Variants in KCNMA1 observed in about 807,000 individuals in gnomAD.
KCNMA1 encodes Calcium-activated potassium channel subunit alpha-1.
A neutral mutation model predicts 140.0 loss-of-function variants in KCNMA1; 29 were observed. The observed-to-expected ratio is 0.21, with a 90% CI of 0.15 to 0.28. The LOEUF (loss-of-function observed/expected upper bound fraction) is 0.28, where lower values mean the gene tolerates loss of function less well. Ranked by LOEUF, KCNMA1 falls within the 10% of genes least tolerant of loss-of-function variation. KCNMA1 has a pLI of 1.00. For missense variants in KCNMA1, 880 were observed against 1,602.2 expected (o/e 0.55, Z 7.70); for synonymous variants, 612 against 611.9 (o/e 1.00, Z 0.00).
chr10:77,199,540 G>A (rs73293967), intron 3 of KCNMA1, among the ~76,000 whole-genome samples: 136 of 152,294 alleles, frequency 8.9e-4, no homozygotes, highest in African/African-American at 2.9e-3. Flanking sequence ...GTTAGTAAAC[G>A]TGAACTGCTT....
intron 16 of KCNMA1, among the ~76,000 whole-genome samples, chr10:77,027,378 C>A (rs2153524437): frequency 6.6e-6 from 1 of 152,296 alleles, no homozygotes; most frequent in Non-Finnish European, 1.5e-5. Context: ...ATATGGTACA[C>A]AATAGGCTGC....
intron 5 of KCNMA1, among the ~76,000 whole-genome samples, chr10:77,122,354 T>C (rs139602380): frequency 6.6e-6 from 1 of 152,332 alleles, no homozygotes; most frequent in African/African-American, 2.4e-5. Context: ...TCTCCTTCTA[T>C]GCTAAATAAT....
intron 5 of KCNMA1, among the ~76,000 whole-genome samples, chr10:77,141,072 C>T (rs1246485416): frequency 6.6e-6 from 1 of 152,122 alleles, no homozygotes; most frequent in Admixed American, 6.5e-5. Flanking sequence ...TCCTACTCCT[C>T]CTGTCGTGGC....
intron 19 of KCNMA1, among the ~76,000 whole-genome samples, chr10:76,981,364 C>T (rs1269186443): frequency 2.6e-5 from 4 of 152,034 alleles, no homozygotes; most frequent in East Asian, 3.9e-4. Flanking sequence ...AGCCAGAAAA[C>T]GTTTAAACGG....
chr10:77,430,742 T>C (rs2097135888), intron 1 of KCNMA1, among the ~76,000 whole-genome samples: 1 of 152,212 alleles, frequency 6.6e-6, no homozygotes, highest in Non-Finnish European at 1.5e-5. Flanking sequence ...CACCTGCTAA[T>C]CTACTATAAG....
At chr10:77,161,222 T>G (rs1333674568) in intron 5 of KCNMA1, among the ~76,000 whole-genome samples, 1 of 152,208 alleles carries the variant, frequency 6.6e-6, no homozygotes, top group African/African-American at 2.4e-5. Flanking sequence ...GGTAGGATTC[T>G]TCATATGGAC....
chr10:77,425,613 G>A (rs2096968431), intron 1 of KCNMA1, among the ~76,000 whole-genome samples: 1 of 152,168 alleles, frequency 6.6e-6, no homozygotes, highest in Admixed American at 6.5e-5. Flanking sequence ...CCCTGGTGCG[G>A]CAATGTGGGC....
intron 14 of KCNMA1, among the ~76,000 whole-genome samples, chr10:77,066,875 C>T (rs999253197): frequency 6.6e-6 from 1 of 152,142 alleles, no homozygotes; most frequent in African/African-American, 2.4e-5. Context: ...AGTAGAGAGC[C>T]ACCTCAATCC....
At chr10:77,324,971 C>CTCTCTCTCTCTGTGTGTGTGTG (rs766240356) in intron 2 of KCNMA1, among the ~76,000 whole-genome samples, 15 of 90,446 alleles carry the variant, frequency 1.7e-4, no homozygotes, top group Admixed American at 2.4e-4. Flanking sequence ...CTCTCTCTCT[C>CTCTCTCTCTCTGTGTGTGTGTG]TGTGTGTGTG....
intron 23 of KCNMA1, among the ~76,000 whole-genome samples, chr10:76,917,734 C>T (rs184425754): frequency 6.6e-6 from 1 of 152,298 alleles, no homozygotes; most frequent in Admixed American, 6.5e-5. Context: ...CTTTTCTAGT[C>T]ACACATTTTT....
Position 77,290,670 on chromosome 10 carries a change from G to A in KCNMA1, c.541-39414C>T, listed in dbSNP as rs191624998. ...CAAAAGTACTCAGGTCATGAATGAA[G>A]GCTGAAGAAATTCTGATCTGGCGGG... is the stretch of plus-strand genomic sequence containing the variant. On this transcript the variant is annotated intron_variant, in intron 2 of 27. Coordinates refer to ENST00000286628, the MANE Select transcript of KCNMA1 (RefSeq NM_001161352.2). Among the ~76,000 whole-genome samples, 64 of 152,288 alleles carry A rather than the reference G, an allele frequency of 4.2e-4. 1 individual carries two copies. The East Asian group carries it at 8.3e-3, about 20-fold the overall frequency.
At chr10:77,524,929 T>C (rs1041737816) in intron 1 of KCNMA1, among the ~76,000 whole-genome samples, 1 of 152,180 alleles carries the variant, frequency 6.6e-6, no homozygotes, top group Non-Finnish European at 1.5e-5. Flanking sequence ...TGCACGGATA[T>C]GATCCCCGGC....
At chr10:77,500,408 G>C (rs973288194) in intron 1 of KCNMA1, among the ~76,000 whole-genome samples, 2 of 152,138 alleles carry the variant, frequency 1.3e-5, no homozygotes, top group African/African-American at 4.8e-5. Flanking sequence ...ACTGCTTTGG[G>C]AGGCCGAGGT....
intron 3 of KCNMA1, among the ~76,000 whole-genome samples, chr10:77,227,726 C>T (rs1024644121): frequency 1.3e-5 from 2 of 152,154 alleles, no homozygotes. Flanking sequence ...GGATAAAATG[C>T]TCCATTTGAA....
intron 14 of KCNMA1, among the ~76,000 whole-genome samples, chr10:77,068,698 T>TCGTGTGTGTGTG (rs139450755): frequency 1.5e-5 from 2 of 132,576 alleles, no homozygotes; most frequent in Non-Finnish European, 1.6e-5. Context: ...GTTCCAGGTT[T>TCGTGTGTGTGTG]TGTGTGTGTG....
At chr10:77,167,835 A>G (rs955144378) in intron 5 of KCNMA1, among the ~76,000 whole-genome samples, 1 of 151,936 alleles carries the variant, frequency 6.6e-6, no homozygotes, top group African/African-American at 2.4e-5. Context: ...AACATGCAGC[A>G]TCATGTCTGG....
At chr10:77,068,620 A>G (rs925833594) in intron 14 of KCNMA1, among the ~76,000 whole-genome samples, 1 of 151,788 alleles carries the variant, frequency 6.6e-6, no homozygotes, top group African/African-American at 2.4e-5. Flanking sequence ...CTAGAAATAC[A>G]TAACATATTT....
At position 77,403,398 on chromosome 10, in the gene KCNMA1, T is replaced by A. The variant is rs373530633; in HGVS notation, c.540+464A>T. ...GCCCAGCTCACACACTGCAGAAAAT[T>A]AGGAAACTGCTGCAAGAGGGGGTCC... On this transcript the variant is annotated intron_variant, in intron 2 of 27. Coordinates refer to ENST00000286628, the MANE Select transcript of KCNMA1 (RefSeq NM_001161352.2). Among the ~76,000 whole-genome samples, 39 of 152,102 alleles carry A rather than the reference T, an allele frequency of 2.6e-4. 1 individual carries two copies. In the South Asian group the frequency reaches 4.4e-3, roughly 17 times the overall value.
At chr10:77,366,724 A>G (rs2094389864) in intron 2 of KCNMA1, among the ~76,000 whole-genome samples, 1 of 152,156 alleles carries the variant, frequency 6.6e-6, no homozygotes, top group South Asian at 2.1e-4. Flanking sequence ...CTACACACAC[A>G]TGTTCTTTAC....
Sources: allele counts gnomAD v4.1 joint callset (sites outside exome capture counted in the v4.1 genomes callset), GRCh38; gene constraint gnomAD v4.1.1; transcripts MANE v1.5; gene names NCBI Gene and HGNC (gene_info 2026-07-23, HGNC 2026-07-21).